Variants in ANK2 observed in about 807,000 individuals in gnomAD.
ANK2 encodes the protein ankyrin 2, also known as ankyrin-2.
In ANK2, 83 loss-of-function variants were observed where a neutral mutation model predicts 360.5. The ratio of observed to expected loss-of-function variants is 0.23; its 90% confidence interval spans 0.19 to 0.28. ANK2 has a LOEUF of 0.28. ANK2 is among the 10% of genes least tolerant of loss of function. ANK2 has a pLI of 1.00. For synonymous variants in ANK2, 1,740 were observed against 1,759.5 expected (o/e 0.99, Z 0.28); for missense variants, 4,201 against 4,795.7 (o/e 0.88, Z 3.66).
At chr4:113,075,283 C>G (rs529470930) in intron 1 of ANK2, among the ~76,000 whole-genome samples, 14 of 152,310 alleles carry the variant, frequency 9.2e-5, no homozygotes, top group Non-Finnish European at 1.8e-4. Flanking sequence ...TCTTTTCTTT[C>G]AATCATATCT....
chr4:113,227,434 G>A (rs1464479771), intron 4 of ANK2, among the ~76,000 whole-genome samples: 1 of 152,050 alleles, frequency 6.6e-6, no homozygotes, highest in Non-Finnish European at 1.5e-5. Flanking sequence ...TGTGATTATG[G>A]TACTTCCTAC....
chr4:112,719,669 T>A, the ANK2 span, among the ~76,000 whole-genome samples: 3 of 149,066 alleles, frequency 2.0e-5, no homozygotes, highest in Non-Finnish European at 4.4e-5. Context: ...CGGAGCTTGC[T>A]GTGAGCTGAG....
At chr4:112,754,217 A>G in the ANK2 span, among the ~76,000 whole-genome samples, 1 of 149,292 alleles carries the variant, frequency 6.7e-6, no homozygotes, top group South Asian at 2.1e-4. Context: ...CTAGACTGTG[A>G]ACAGCTTGAG....
chr4:112,945,836 A>G (rs756689702), intron 2 of ANK2, among the ~76,000 whole-genome samples: 1 of 152,198 alleles, frequency 6.6e-6, no homozygotes, highest in Non-Finnish European at 1.5e-5. Flanking sequence ...ACAGCTCAGA[A>G]GTGACAGAGC....
the ANK2 span, among the ~76,000 whole-genome samples, chr4:112,722,459 T>C: frequency 6.6e-6 from 1 of 152,224 alleles, no homozygotes; most frequent in Admixed American, 6.5e-5. Context: ...ATTCACTGTT[T>C]ACCTAACAGG....
chr4:113,150,624 C>A (rs2097031396), intron 1 of ANK2, among the ~76,000 whole-genome samples: 1 of 152,170 alleles, frequency 6.6e-6, no homozygotes, highest in South Asian at 2.1e-4. Flanking sequence ...ATTGTGTTCC[C>A]ATGTCCTGAG....
intron 4 of ANK2, among the ~76,000 whole-genome samples, chr4:113,215,692 T>G (rs572047537): frequency 1.3e-5 from 2 of 152,164 alleles, no homozygotes; most frequent in African/African-American, 4.8e-5. Context: ...AATATATTCA[T>G]TAACTATATA....
At chr4:113,371,327 A>G (rs994504846) in intron 43 of ANK2, among the ~76,000 whole-genome samples, 1 of 152,234 alleles carries the variant, frequency 6.6e-6, no homozygotes, top group African/African-American at 2.4e-5. Flanking sequence ...AATTCATGCC[A>G]TGAATGAATT....
At chr4:112,832,968 AC>A (rs989527293) in intron 1 of ANK2, among the ~76,000 whole-genome samples, 1 of 152,216 alleles carries the variant, frequency 6.6e-6, no homozygotes, top group Non-Finnish European at 1.5e-5. Flanking sequence ...TAGGTAGCAT[AC>A]TATATGTTAG....
chr4:112,889,138 A>T (rs1467258959), intron 1 of ANK2, among the ~76,000 whole-genome samples: 2 of 151,430 alleles, frequency 1.3e-5, no homozygotes, highest in Non-Finnish European at 2.9e-5. Context: ...TTTCTTAAAC[A>T]TTTCTCCTCT....
intron 2 of ANK2, among the ~76,000 whole-genome samples, chr4:113,003,487 G>A (rs1189235681): frequency 2.0e-5 from 3 of 152,052 alleles, no homozygotes; most frequent in South Asian, 2.1e-4. Context: ...TGGTCTGGCC[G>A]AATATTATTA....
intron 2 of ANK2, among the ~76,000 whole-genome samples, chr4:112,911,065 C>A (rs7695288): frequency 0.27 from 39,642 of 149,314 alleles, 7,216 homozygotes; most frequent in African/African-American, 0.52. Flanking sequence ...TCAAGCAATT[C>A]TCCTGCCTCA....
At chr4:112,824,843 G>A (rs2058054380) in intron 1 of ANK2, among the ~76,000 whole-genome samples, 1 of 152,056 alleles carries the variant, frequency 6.6e-6, no homozygotes, top group Admixed American at 6.6e-5. Context: ...TGGAAAAGAA[G>A]CCATGGAATT....
At chr4:113,348,407 T>C (rs1588765394) in intron 36 of ANK2, 99 bp downstream of exon 36, 2 of 1,304,684 alleles carry the variant, frequency 1.5e-6, no homozygotes, top group African/African-American at 2.9e-5. Flanking sequence ...GGGTAGGCGG[T>C]TCTTCTTAGT....
chr4:112,830,900 A>G (rs1233552563), intron 1 of ANK2, among the ~76,000 whole-genome samples: 1 of 152,172 alleles, frequency 6.6e-6, no homozygotes, highest in East Asian at 1.9e-4. Context: ...CTGCACTCAG[A>G]ACGGCTGGCT....
chr4:112,784,838 A>C, the ANK2 span, among the ~76,000 whole-genome samples: 235 of 152,346 alleles, frequency 1.5e-3, no homozygotes, highest in African/African-American at 5.5e-3. Flanking sequence ...AAAATTTTCC[A>C]AGTGGTGCAC....
intron 40 of ANK2, among the ~76,000 whole-genome samples, chr4:113,364,348 T>G (rs1365238918): frequency 6.6e-6 from 1 of 152,192 alleles, no homozygotes; most frequent in Non-Finnish European, 1.5e-5. Context: ...TGATGTTGAG[T>G]GAGAACTTAG....
At chr4:112,886,861 T>G (rs1433493348) in intron 1 of ANK2, among the ~76,000 whole-genome samples, 1 of 152,154 alleles carries the variant, frequency 6.6e-6, no homozygotes, top group African/African-American at 2.4e-5. Flanking sequence ...ACTAATCATG[T>G]GAAGAAGTGG....
At chr4:113,055,393 T>C (rs1039751556) in intron 1 of ANK2, among the ~76,000 whole-genome samples, 1 of 151,974 alleles carries the variant, frequency 6.6e-6, no homozygotes, top group Non-Finnish European at 1.5e-5. Context: ...ACTGTCTAAA[T>C]AAATAAATAA....
Sources: allele counts gnomAD v4.1 joint callset (sites outside exome capture counted in the v4.1 genomes callset), GRCh38; gene constraint gnomAD v4.1.1; transcripts MANE v1.5; gene names NCBI Gene and HGNC (gene_info 2026-07-23, HGNC 2026-07-21).